CENPP: variants seen among roughly 807,000 people sequenced by gnomAD.
CENPP encodes the protein centromere protein P.
In CENPP, 24 loss-of-function variants were observed where a neutral mutation model predicts 35.6. The observed-to-expected ratio is 0.67, with a 90% CI of 0.49 to 0.95. The LOEUF (loss-of-function observed/expected upper bound fraction) is 0.95, where lower values mean the gene tolerates loss of function less well. CENPP is among the 40% of genes least tolerant of loss of function. CENPP has a pLI of 0.00. For synonymous variants in CENPP, 120 were observed against 125.5 expected (o/e 0.96, Z 0.29); for missense variants, 332 against 345.3 (o/e 0.96, Z 0.31).
At chr9:92,554,578 G>A (rs1315006073) in intron 5 of CENPP, among the ~76,000 whole-genome samples, 1 of 152,124 alleles carries the variant, frequency 6.6e-6, no homozygotes, top group African/African-American at 2.4e-5. Context: ...ACTTGATCAT[G>A]GTGGATTATC....
At chr9:92,366,699 CT>C (rs1841896452) in intron 4 of CENPP, among the ~76,000 whole-genome samples, 1 of 152,088 alleles carries the variant, frequency 6.6e-6, no homozygotes, top group Non-Finnish European at 1.5e-5. Context: ...GAAATTATTC[CT>C]CTGATTAATC....
At chr9:92,373,944 C>A (rs1413906391) in intron 4 of CENPP, among the ~76,000 whole-genome samples, 1 of 152,012 alleles carries the variant, frequency 6.6e-6, no homozygotes, top group Non-Finnish European at 1.5e-5. Context: ...TCTTGCTTTT[C>A]ATGTACCTGT....
At chr9:92,559,279 C>A (rs965003527) in intron 5 of CENPP, among the ~76,000 whole-genome samples, 3 of 152,208 alleles carry the variant, frequency 2.0e-5, no homozygotes, top group South Asian at 2.1e-4. Context: ...GGGGACCCAA[C>A]GAGCTCCCAG....
intron 5 of CENPP, among the ~76,000 whole-genome samples, chr9:92,477,118 A>G (rs568247328): frequency 1.9e-4 from 29 of 152,306 alleles, no homozygotes; most frequent in Middle Eastern, 3.4e-3. Flanking sequence ...CCCAGGTGGA[A>G]ATCACCAACT....
At chr9:92,446,903 A>G (rs577977577) in intron 5 of CENPP, among the ~76,000 whole-genome samples, 1 of 152,108 alleles carries the variant, frequency 6.6e-6, no homozygotes, top group African/African-American at 2.4e-5. Context: ...AAAAGGAGGG[A>G]AAAAGGGAGG....
intron 2 of CENPP, 92 bp downstream of exon 2, chr9:92,332,443 C>T (rs1029814423): frequency 7.3e-5 from 62 of 854,402 alleles, no homozygotes; most frequent in Non-Finnish European, 8.6e-5. Context: ...TAAAATTCTA[C>T]AAGGTAAGTA....
At chr9:92,457,979 A>G (rs1212415450) in intron 5 of CENPP, among the ~76,000 whole-genome samples, 1 of 152,200 alleles carries the variant, frequency 6.6e-6, no homozygotes, top group Non-Finnish European at 1.5e-5. Flanking sequence ...TAGGCTCACA[A>G]TTTGATTGTG....
At chr9:92,484,022 G>C (rs1845997372) in intron 5 of CENPP, among the ~76,000 whole-genome samples, 1 of 152,146 alleles carries the variant, frequency 6.6e-6, no homozygotes. Flanking sequence ...GGAACATAAT[G>C]AAAATATGAA....
chr9:92,511,881 G>T (rs896701733), intron 5 of CENPP: 3 of 612,474 alleles, frequency 4.9e-6, no homozygotes, highest in Non-Finnish European at 5.6e-6. Context: ...AGGGACATCA[G>T]AGAGGAAACT....
intron 5 of CENPP, chr9:92,459,738 A>G: frequency 6.2e-7 from 1 of 1,613,588 alleles, no homozygotes; most frequent in East Asian, 2.2e-5. Context: ...CCCATTTTCG[A>G]TATCTGTGAT....
In CENPP at chr9:92,325,960, C is replaced by T. The variant is rs1046314783; in HGVS notation, c.-39C>T. 47 of 1,510,428 alleles carry T rather than the reference C, an allele frequency of 3.1e-5. No individual in the cohort carries two copies. The highest frequency in any genetic ancestry group is 1.7e-4 in the Middle Eastern group (1 of 5,902). 93.6% of individuals were successfully genotyped at this position (1,510,428 alleles called of 1,614,324 possible). A position where few individuals can be genotyped will look rare whatever the true frequency, so the allele number is the denominator to read the frequency against. ...GGGTGAAGCGCGCAGGTCGGAGTGA[C>T]AGCTGCGCTGCCGGCCCGGCTGCGG... is the stretch of plus-strand genomic sequence containing the variant. On this transcript the variant is annotated 5_prime_UTR_variant, in exon 1 of 8. Coordinates refer to ENST00000375587, the MANE Select transcript of CENPP (RefSeq NM_001012267.3).
intron 5 of CENPP, chr9:92,502,525 C>A: frequency 6.2e-7 from 1 of 1,612,286 alleles, no homozygotes. Context: ...TTGATTTATC[C>A]AGGCTAAAGG....
At chr9:92,545,685 A>G (rs1169989952) in intron 5 of CENPP, among the ~76,000 whole-genome samples, 1 of 152,204 alleles carries the variant, frequency 6.6e-6, no homozygotes, top group Non-Finnish European at 1.5e-5. Flanking sequence ...TGCGGGATCC[A>G]CTGGGTGAAT....
chr9:92,539,334 C>G (rs1849262274), intron 5 of CENPP: 1 of 150,356 alleles, frequency 6.7e-6, no homozygotes, highest in South Asian at 2.1e-4. Context: ...GTTTCTCCCG[C>G]CTTCCCCCGC....
chr9:92,348,901 G>A lies in CENPP; in HGVS notation c.467+3114G>A, dbSNP rs78512084. Among the ~76,000 whole-genome samples, 1,142 of 152,318 alleles carry A rather than the reference G, an allele frequency of 7.5e-3. 17 individuals carry two copies. The highest frequency in any genetic ancestry group is 0.026 in the African/African-American group (1,064 of 41,574). On this transcript the variant is annotated intron_variant, in intron 4 of 7. Transcript: ENST00000375587. ...GCATAGGTTGTGACAAAAAGACTGCGATGATTGTTATCTTTATTTTTCTGT... is the reference window on the plus strand; with the variant it reads ...GCATAGGTTGTGACAAAAAGACTGCAATGATTGTTATCTTTATTTTTCTGT...
intron 2 of CENPP, among the ~76,000 whole-genome samples, chr9:92,336,363 C>CCCA (rs1332169250): frequency 6.6e-6 from 1 of 152,212 alleles, no homozygotes; most frequent in Non-Finnish European, 1.5e-5. Flanking sequence ...AGGTTCACCT[C>CCCA]CCATAAAGGT....
intron 4 of CENPP, among the ~76,000 whole-genome samples, chr9:92,352,464 A>C (rs1841474149): frequency 1.1e-5 from 1 of 92,844 alleles, no homozygotes; most frequent in Admixed American, 9.9e-5. Context: ...TGTTGCTTAA[A>C]GCCTGTGTGT....
At chr9:92,572,978 G>T (rs940539440) in intron 5 of CENPP, among the ~76,000 whole-genome samples, 3 of 152,182 alleles carry the variant, frequency 2.0e-5, no homozygotes, top group African/African-American at 7.2e-5. Context: ...GTTTATTCTA[G>T]TTAGCCATTC....
upstream of CENPP, chr9:92,325,743 C>A: frequency 2.2e-6 from 1 of 460,326 alleles, no homozygotes; most frequent in African/African-American, 2.1e-5. Context: ...AAAGAACGCG[C>A]TCTCCAGAGA....
Sources: gnomAD v4.1 joint callset for allele counts (sites outside exome capture counted in the v4.1 genomes callset) on GRCh38, gnomAD v4.1.1 for gene constraint, MANE v1.5 for transcripts, NCBI Gene and HGNC (gene_info 2026-07-23, HGNC 2026-07-21) for gene names.